The following CIBAR1 variants were observed in gnomAD, a reference collection of about 807,000 sequenced individuals.
CIBAR1 encodes the protein CBY1-interacting BAR domain-containing protein 1.
A neutral mutation model predicts 44.0 loss-of-function variants in CIBAR1; 25 were observed. That is an observed-to-expected ratio of 0.57 (90% CI 0.41 to 0.79). The LOEUF is 0.79. CIBAR1 is among the 30% of genes least tolerant of loss of function. The pLI is 0.00. For missense variants in CIBAR1, 278 were observed against 344.8 expected (o/e 0.81, Z 1.53); for synonymous variants, 115 against 119.0 (o/e 0.97, Z 0.22).
intron 8 of CIBAR1, 31 bp downstream of exon 8, chr8:93,726,544 T>A (rs746260489): frequency 2.5e-6 from 4 of 1,609,902 alleles, no homozygotes. Context: ...TAAAGGAATT[T>A]GAGCTGCTGC....
At chr8:93,702,445 C>T in intron 2 of CIBAR1, 1 of 444,130 alleles carries the variant, frequency 2.3e-6, no homozygotes. Context: ...AACCTTTGTG[C>T]TATTTATCAA....
At position 93,730,572 on chromosome 8, in the gene CIBAR1, T is replaced by C. The variant is rs1811750916; in HGVS notation, c.*2275T>C. On this transcript the variant is annotated 3_prime_UTR_variant, in exon 9 of 9. Coordinates refer to ENST00000518322, the MANE Select transcript of CIBAR1 (RefSeq NM_145269.5). ...GTGTACATGAAAATTTACTATTCTTTTTTTATATTTGAAATTGATGAGGTG... is the reference window on the plus strand; with the variant it reads ...GTGTACATGAAAATTTACTATTCTTCTTTTATATTTGAAATTGATGAGGTG... 6.6e-6 allele frequency: 1 copy of C among 152,182 alleles called. No homozygotes were observed. The highest frequency in any genetic ancestry group is 1.5e-5 in the Non-Finnish European group (1 of 68,036). 9.4% of individuals were successfully genotyped at this position (152,182 alleles called of 1,614,324 possible). A position where few individuals can be genotyped will look rare whatever the true frequency, so the allele number is the denominator to read the frequency against.
chr8:93,718,920 G>T, intron 7 of CIBAR1, 132 bp downstream of exon 7: 1 of 479,892 alleles, frequency 2.1e-6, no homozygotes, highest in Non-Finnish European at 3.6e-6. Context: ...TTGGAGTGCA[G>T]TAGTGTGATC....
At chr8:93,703,172 C>G (rs577123345) in intron 2 of CIBAR1, among the ~76,000 whole-genome samples, 149 of 152,254 alleles carry the variant, frequency 9.8e-4, no homozygotes, top group African/African-American at 3.5e-3. Flanking sequence ...ACAGTGATCT[C>G]TAAGCTTTTT....
At chr8:93,709,252 C>G (rs1392497737) in intron 5 of CIBAR1, among the ~76,000 whole-genome samples, 1 of 152,102 alleles carries the variant, frequency 6.6e-6, no homozygotes, top group Admixed American at 6.5e-5. Flanking sequence ...TGCACTCTAG[C>G]CTGGGCAACA....
chr8:93,718,646 TTTAAA>T (rs770065976), intron 6 of CIBAR1, 24 bp from the exon 7 acceptor site: 45 of 1,285,394 alleles, frequency 3.5e-5, no homozygotes, highest in Non-Finnish European at 4.9e-5. Flanking sequence ...TAAATCATTG[TTTAAA>T]TTCAATTCTT....
chr8:93,707,940 G>A (rs981003858), intron 4 of CIBAR1, 71 bp from the exon 5 acceptor site: 2 of 961,650 alleles, frequency 2.1e-6, no homozygotes, highest in African/African-American at 3.3e-5. Context: ...AATTCTATGA[G>A]TATATAAATT....
chr8:93,727,817 TC>T (rs1811595437), intron 8 of CIBAR1, among the ~76,000 whole-genome samples: 1 of 152,216 alleles, frequency 6.6e-6, no homozygotes, highest in South Asian at 2.1e-4. Flanking sequence ...TACTTTTACA[TC>T]AGTATTTCTG....
chr8:93,727,179 C>G (rs1380183365), intron 8 of CIBAR1: 6 of 1,289,016 alleles, frequency 4.7e-6, no homozygotes, highest in Non-Finnish European at 6.1e-6. Context: ...GAGAGCTATG[C>G]CCTTTTCATA....
intron 8 of CIBAR1, chr8:93,727,036 T>C: frequency 4.0e-6 from 2 of 494,038 alleles, no homozygotes; most frequent in Non-Finnish European, 7.6e-6. Flanking sequence ...TTGTGGGCCA[T>C]ATGGTTTCTA....
chr8:93,721,720 C>T (rs902015160), intron 7 of CIBAR1, among the ~76,000 whole-genome samples: 21 of 152,162 alleles, frequency 1.4e-4, no homozygotes, highest in Admixed American at 1.0e-3. Context: ...ATGTAGCATT[C>T]TAAGAAACAG....
chr8:93,720,458 A>G (rs1451571328), intron 7 of CIBAR1, among the ~76,000 whole-genome samples: 1 of 152,218 alleles, frequency 6.6e-6, no homozygotes, highest in Non-Finnish European at 1.5e-5. Context: ...GTTTTATATC[A>G]GTTATATATA....
chr8:93,727,332 C>A, intron 8 of CIBAR1: 1 of 539,774 alleles, frequency 1.9e-6, no homozygotes, highest in South Asian at 2.0e-5. Flanking sequence ...TCCCCCAACC[C>A]AATTGTATTT....
chr8:93,723,517 C>A (rs576054118), intron 7 of CIBAR1, among the ~76,000 whole-genome samples: 1 of 152,038 alleles, frequency 6.6e-6, no homozygotes, highest in East Asian at 1.9e-4. Context: ...TTTTCCCCCC[C>A]TCATAGATGT....
chr8:93,703,989 A>T lies in CIBAR1; in HGVS notation c.330+301A>T, dbSNP rs1306016277. Among the ~76,000 whole-genome samples the T allele has an allele frequency of 2.0e-5, 3 of 151,884 alleles. No individual in the cohort carries two copies. In the East Asian group the frequency reaches 5.8e-4, roughly 29 times the overall value. The stretch of plus-strand genomic sequence containing the variant: ...CGAGGCAAGAAAATCGCTTGAACCC[A>T]GGAGGCAGAGGTTGCAGTGAGCTGA... On this transcript the variant is annotated intron_variant, in intron 3 of 8. Transcript: ENST00000518322.
intron 4 of CIBAR1, among the ~76,000 whole-genome samples, chr8:93,706,999 G>A (rs903805335): frequency 6.6e-6 from 1 of 152,158 alleles, no homozygotes; most frequent in Non-Finnish European, 1.5e-5. Flanking sequence ...GGCTCTGCCT[G>A]CTCACCCCCC....
intron 6 of CIBAR1, among the ~76,000 whole-genome samples, chr8:93,714,524 A>G (rs997227288): frequency 1.3e-5 from 2 of 152,112 alleles, no homozygotes; most frequent in Non-Finnish European, 2.9e-5. Context: ...ATTCCTCATC[A>G]CTGTCAAATT....
At chr8:93,725,265 G>A (rs1048498351) in intron 7 of CIBAR1, among the ~76,000 whole-genome samples, 2 of 152,190 alleles carry the variant, frequency 1.3e-5, no homozygotes, top group Non-Finnish European at 2.9e-5. Context: ...TTATAGGCAT[G>A]AGCCACTGTG....
At chr8:93,717,136 A>G (rs1811064395) in intron 6 of CIBAR1, among the ~76,000 whole-genome samples, 2 of 152,172 alleles carry the variant, frequency 1.3e-5, no homozygotes, top group South Asian at 2.1e-4. Flanking sequence ...GGCACATGCC[A>G]TTGTGCCTGG....
Sources: gnomAD v4.1 joint callset for allele counts (sites outside exome capture counted in the v4.1 genomes callset) on GRCh38, gnomAD v4.1.1 for gene constraint, MANE v1.5 for transcripts, NCBI Gene and HGNC (gene_info 2026-07-23, HGNC 2026-07-21) for gene names.